WWC2: variants seen among roughly 807,000 people sequenced by gnomAD.
WWC2 encodes WW and C2 domain containing 2.
Under a neutral mutation model 138.5 loss-of-function variants are expected in WWC2, and 101 were observed. The ratio of observed to expected loss-of-function variants is 0.73; its 90% CI spans 0.62 to 0.86. The LOEUF (loss-of-function observed/expected upper bound fraction) is 0.86, where lower values mean the gene tolerates loss of function less well. WWC2 is among the 40% of genes least tolerant of loss of function. The probability of loss-of-function intolerance (pLI) is 0.00; values close to 1 mark genes in which losing one functional copy is unlikely to be tolerated. For synonymous variants in WWC2, 558 were observed against 538.4 expected (o/e 1.04, Z -0.50); for missense variants, 1,420 against 1,419.4 (o/e 1.00, Z -0.01).
intron 17 of WWC2, 141 bp from the exon 18 acceptor site, chr4:183,282,567 G>C (rs773354474): frequency 8.5e-6 from 7 of 828,082 alleles, no homozygotes; most frequent in Non-Finnish European, 1.3e-5. Context: ...GAGACATTTA[G>C]TTAAAAACCC....
At chr4:183,131,057 C>A (rs1459005199) in intron 1 of WWC2, among the ~76,000 whole-genome samples, 3 of 151,932 alleles carry the variant, frequency 2.0e-5, no homozygotes, top group Non-Finnish European at 4.4e-5. Context: ...ATAAAAAATC[C>A]GGAGGTAGAC....
rs902844693 is a variant in WWC2 at position 183,269,052 on chromosome 4, C to T, written c.2289C>T (p.Ser763=). The T allele has an allele frequency of 6.2e-7, 1 of 1,613,822 alleles. No individual in the cohort carries two copies. Among genetic ancestry groups the T allele is most frequent in the Non-Finnish European group, 8.5e-7 (1 of 1,179,886 alleles). Reference sequence around the variant, plus strand: ...CAAAAGTTCATCCGCCCACAGAATCCATTTTATTCAATGATGTGTTCAGAG... The same window carrying T: ...CAAAAGTTCATCCGCCCACAGAATCTATTTTATTCAATGATGTGTTCAGAG... ...FRTKVHPPTE[S]ILFNDVFRVA... Residue 763 remains serine, a synonymous_variant, in exon 15 of 23, where the codon TCC becomes TCT. Transcript: ENST00000403733.
chr4:183,122,763 C>T (rs1371685389), intron 1 of WWC2, among the ~76,000 whole-genome samples: 5 of 152,128 alleles, frequency 3.3e-5, no homozygotes, highest in Admixed American at 2.0e-4. Context: ...AAGTGATCCA[C>T]CCAACTTGGC....
intron 5 of WWC2, among the ~76,000 whole-genome samples, chr4:183,242,451 G>A (rs1177080424): frequency 2.6e-5 from 4 of 152,180 alleles, no homozygotes; most frequent in Non-Finnish European, 5.9e-5. Context: ...GTAGACAAAT[G>A]TGGCATTGTT....
intron 21 of WWC2, among the ~76,000 whole-genome samples, chr4:183,310,299 C>G (rs967085219): frequency 6.6e-6 from 1 of 152,042 alleles, no homozygotes; most frequent in Non-Finnish European, 1.5e-5. Context: ...ATACATGAGT[C>G]GGGGCAGGGA....
At chr4:183,283,243 G>T (rs1293563552) in intron 18 of WWC2, among the ~76,000 whole-genome samples, 1 of 152,234 alleles carries the variant, frequency 6.6e-6, no homozygotes, top group Non-Finnish European at 1.5e-5. Flanking sequence ...TTCCGTATAT[G>T]TAGTAAGTTT....
intron 1 of WWC2, among the ~76,000 whole-genome samples, chr4:183,164,285 TA>T (rs1200053364): frequency 6.3e-4 from 8 of 12,720 alleles, no homozygotes; most frequent in Non-Finnish European, 6.8e-4. Context: ...TATATATATA[TA>T]TATATATATA....
intron 4 of WWC2, among the ~76,000 whole-genome samples, chr4:183,229,132 G>T (rs1736164124): frequency 6.6e-6 from 1 of 152,172 alleles, no homozygotes; most frequent in South Asian, 2.1e-4. Context: ...TCAGCTGTTG[G>T]CCATTACCTG....
intron 1 of WWC2, among the ~76,000 whole-genome samples, chr4:183,149,189 C>T (rs1325989780): frequency 2.0e-5 from 3 of 152,094 alleles, no homozygotes; most frequent in Non-Finnish European, 2.9e-5. Context: ...CTTTGCCAGC[C>T]ACCCCAGAAG....
Position 183,261,423 on chromosome 4 carries a change from C to T in WWC2, c.1800C>T (p.Ile600=), listed in dbSNP as rs146160943. The change falls in exon 11 of 23, where the codon ATC becomes ATT. Residue 600 remains isoleucine (I), a synonymous_variant. Transcript: ENST00000403733. ...GCCATTTTGCAGATATCAGCCTCATCGAAAATCAGATTTTGCTGGATTCTG... is the reference window on the plus strand; with the variant it reads ...GCCATTTTGCAGATATCAGCCTCATTGAAAATCAGATTTTGCTGGATTCTG... ...LSSHFADISL[I]ENQILLDSDS... is the part of the protein sequence containing the mutation. 30 of 1,612,372 alleles carry T rather than the reference C, an allele frequency of 1.9e-5. No homozygotes were observed. The Admixed American group carries it at 2.8e-4, about 15-fold the overall frequency.
At chr4:183,192,243 A>T (rs1203126625) in intron 1 of WWC2, among the ~76,000 whole-genome samples, 1 of 152,282 alleles carries the variant, frequency 6.6e-6, no homozygotes, top group African/African-American at 2.4e-5. Context: ...TCCTGAGTTT[A>T]TTTTAGGAGC....
intron 7 of WWC2, 100 bp downstream of exon 7, chr4:183,248,960 AT>A: frequency 1.6e-6 from 2 of 1,212,952 alleles, no homozygotes; most frequent in Non-Finnish European, 2.2e-6. Flanking sequence ...TGTGACTTGG[AT>A]TCTGGCTGTG....
chr4:183,136,997 G>A (rs989500596), intron 1 of WWC2, among the ~76,000 whole-genome samples: 1 of 152,146 alleles, frequency 6.6e-6, no homozygotes, highest in African/African-American at 2.4e-5. Context: ...ACAATGGTAA[G>A]TATTTGTGTA....
intron 4 of WWC2, among the ~76,000 whole-genome samples, chr4:183,225,848 T>C (rs1736055915): frequency 6.6e-6 from 1 of 152,132 alleles, no homozygotes; most frequent in South Asian, 2.1e-4. Flanking sequence ...GGTGGGGAGA[T>C]TTGAACAACT....
intron 21 of WWC2, among the ~76,000 whole-genome samples, chr4:183,306,881 CAAAAA>C (rs55750701): frequency 1.2e-5 from 1 of 85,114 alleles, no homozygotes; most frequent in Non-Finnish European, 2.3e-5. Flanking sequence ...ATATATGAGG[CAAAAA>C]AAAAAAAAAA....
At chr4:183,137,505 AT>A (rs879514966) in intron 1 of WWC2, among the ~76,000 whole-genome samples, 136 of 145,822 alleles carry the variant, frequency 9.3e-4, no homozygotes, top group Admixed American at 1.0e-3. Context: ...CTTCTTTGGA[AT>A]TTTTTTTTTT....
chr4:183,198,619 A>G (rs925513556), intron 2 of WWC2, among the ~76,000 whole-genome samples: 2 of 151,886 alleles, frequency 1.3e-5, no homozygotes, highest in African/African-American at 4.8e-5. Flanking sequence ...TTGATAATAG[A>G]ACTTCACATT....
intron 7 of WWC2, 126 bp from the exon 8 acceptor site, chr4:183,249,794 G>T: frequency 3.0e-6 from 2 of 668,602 alleles, no homozygotes; most frequent in Non-Finnish European, 2.5e-6. Flanking sequence ...TTTAAAATTG[G>T]TGTTTCCCGA....
chr4:183,220,563 G>A (rs1054136212), intron 4 of WWC2, among the ~76,000 whole-genome samples: 5 of 151,416 alleles, frequency 3.3e-5, no homozygotes, highest in African/African-American at 1.2e-4. Context: ...GGCCGGGCGC[G>A]GTGGCTCACG....
Sources: allele counts gnomAD v4.1 joint callset (sites outside exome capture counted in the v4.1 genomes callset), GRCh38; gene constraint gnomAD v4.1.1; transcripts MANE v1.5; gene names NCBI Gene and HGNC (gene_info 2026-07-23, HGNC 2026-07-21).